The following DIAPH2 variants were observed in gnomAD, a reference collection of about 807,000 sequenced individuals.
The protein encoded by DIAPH2 is diaphanous related formin 2, also known as protein diaphanous homolog 2.
Under a neutral mutation model 92.7 loss-of-function variants are expected in DIAPH2, and 35 were observed. The observed-to-expected ratio is 0.38, with a 90% confidence interval of 0.29 to 0.50. DIAPH2 has a LOEUF of 0.50. Ranked by LOEUF, DIAPH2 falls within the 20% of genes least tolerant of loss-of-function variation. DIAPH2 has a pLI of 0.94. For synonymous variants in DIAPH2, 301 were observed against 280.4 expected, an observed-to-expected ratio of 1.07 and a Z score of -0.73; for missense variants, 701 against 819.5, an observed-to-expected ratio of 0.86 and a Z score of 1.77.
chrX:97,223,121 G>A (rs1017929194), intron 22 of DIAPH2, among the ~76,000 whole-genome samples: 1 of 111,733 alleles, frequency 8.9e-6, no homozygotes, highest in Non-Finnish European at 1.9e-5. Context: ...GAGCCACTGA[G>A]CCCAGCTTGT....
At chrX:97,271,641 T>C (rs966053960) in intron 23 of DIAPH2, among the ~76,000 whole-genome samples, 1 of 110,789 alleles carries the variant, frequency 9.0e-6, no homozygotes, top group Non-Finnish European at 1.9e-5. Flanking sequence ...GTTCTAATAT[T>C]ATTATTATAG....
At chrX:96,774,973 C>G (rs190290204) in intron 4 of DIAPH2, among the ~76,000 whole-genome samples, 8 of 112,291 alleles carry the variant, frequency 7.1e-5, no homozygotes, top group African/African-American at 2.6e-4. Context: ...CAGAAAGCTG[C>G]TAGTTATTTT....
intron 23 of DIAPH2, among the ~76,000 whole-genome samples, chrX:97,306,091 A>G (rs1406907203): frequency 9.0e-6 from 1 of 110,841 alleles, no homozygotes; most frequent in East Asian, 2.8e-4. Flanking sequence ...ATTAATTTAC[A>G]GTCCTCTAGC....
chrX:97,319,985 A>G (rs1202594883), intron 23 of DIAPH2, among the ~76,000 whole-genome samples: 2 of 106,485 alleles, frequency 1.9e-5, no homozygotes, highest in African/African-American at 3.4e-5. Context: ...CTGTAATCAC[A>G]GTTACTTGGG....
chrX:96,888,296 T>C (rs1373142053), intron 5 of DIAPH2, among the ~76,000 whole-genome samples: 3 of 109,020 alleles, frequency 2.8e-5, no homozygotes, highest in Admixed American at 2.0e-4. Context: ...CCTGACCTCG[T>C]GATCCGCCTG....
At chrX:97,405,900 C>T (rs996383120) in intron 25 of DIAPH2, among the ~76,000 whole-genome samples, 1 of 111,326 alleles carries the variant, frequency 9.0e-6, no homozygotes, top group East Asian at 2.8e-4. Flanking sequence ...CTTAGTTGAT[C>T]ATTTTCTGGC....
At chrX:97,072,115 G>A (rs1308955641) in intron 17 of DIAPH2, among the ~76,000 whole-genome samples, 1 of 111,634 alleles carries the variant, frequency 9.0e-6, no homozygotes, top group Non-Finnish European at 1.9e-5. Context: ...TACCGGAGGG[G>A]TTTGGGGATT....
At chrX:97,400,832 C>CA (rs1421460510) in intron 25 of DIAPH2, among the ~76,000 whole-genome samples, 1 of 110,618 alleles carries the variant, frequency 9.0e-6, no homozygotes, top group African/African-American at 3.3e-5. Context: ...CACCTTAGAA[C>CA]AAGACAGTAG....
intron 22 of DIAPH2, among the ~76,000 whole-genome samples, chrX:97,181,497 C>T (rs762850737): frequency 1.4e-4 from 16 of 111,817 alleles, no homozygotes; most frequent in Non-Finnish European, 2.3e-4. Context: ...CCGCAACCTC[C>T]GTCTCCCAGG....
intron 10 of DIAPH2, among the ~76,000 whole-genome samples, chrX:96,934,076 G>T (rs2065640922): frequency 9.0e-6 from 1 of 110,967 alleles, no homozygotes; most frequent in Non-Finnish European, 1.9e-5. Context: ...GAAGATTAGC[G>T]ATCATATATT....
At chrX:97,031,470 G>A (rs185921446) in intron 17 of DIAPH2, among the ~76,000 whole-genome samples, 140 of 111,371 alleles carry the variant, frequency 1.3e-3, no homozygotes, top group Non-Finnish European at 2.3e-3. Context: ...GTTTATTATA[G>A]TATAATGTAT....
chrX:97,057,642 AT>A (rs1403173207), intron 17 of DIAPH2, among the ~76,000 whole-genome samples: 2 of 111,904 alleles, frequency 1.8e-5, no homozygotes, highest in Non-Finnish European at 3.8e-5. Flanking sequence ...TAAATACTTC[AT>A]ATTTTAGGTT....
intron 19 of DIAPH2, among the ~76,000 whole-genome samples, chrX:97,077,917 A>G (rs1283365583): frequency 8.9e-6 from 1 of 111,770 alleles, no homozygotes; most frequent in Non-Finnish European, 1.9e-5. Flanking sequence ...AATACATGTA[A>G]TTATGAGTTA....
At chrX:97,502,335 G>C (rs2147830476) in intron 26 of DIAPH2, among the ~76,000 whole-genome samples, 1 of 112,199 alleles carries the variant, frequency 8.9e-6, no homozygotes, top group East Asian at 2.8e-4. Flanking sequence ...GACTTTCAAG[G>C]ATTCTGTTTA....
At chrX:96,934,075 C>T (rs779168471) in intron 10 of DIAPH2, among the ~76,000 whole-genome samples, 1 of 110,878 alleles carries the variant, frequency 9.0e-6, no homozygotes, top group Non-Finnish European at 1.9e-5. Flanking sequence ...AGAAGATTAG[C>T]GATCATATAT....
chrX:97,536,248 A>G (rs1485730472), intron 26 of DIAPH2, among the ~76,000 whole-genome samples: 1 of 112,113 alleles, frequency 8.9e-6, no homozygotes, highest in Non-Finnish European at 1.9e-5. Context: ...CTGAAAACTT[A>G]AGACCATTTT....
At chrX:97,025,521 G>A (rs1014910401) in intron 17 of DIAPH2, among the ~76,000 whole-genome samples, 67 of 107,293 alleles carry the variant, frequency 6.2e-4, no homozygotes, top group Middle Eastern at 4.9e-3. Context: ...GCGTGGTGGC[G>A]GGCCCCTGTA....
intron 4 of DIAPH2, among the ~76,000 whole-genome samples, chrX:96,820,825 G>T (rs1363797276): frequency 9.0e-6 from 1 of 111,535 alleles, no homozygotes; most frequent in Non-Finnish European, 1.9e-5. Context: ...GCTATAAAAA[G>T]AATTAAAATG....
At chrX:96,754,838 C>T (rs890473265) in intron 3 of DIAPH2, among the ~76,000 whole-genome samples, 3 of 98,807 alleles carry the variant, frequency 3.0e-5, no homozygotes, top group Admixed American at 2.4e-4. Flanking sequence ...GCAGGAGAAT[C>T]GCTTGAACTT....
Sources: gnomAD v4.1 joint callset for allele counts (sites outside exome capture counted in the v4.1 genomes callset) on GRCh38, gnomAD v4.1.1 for gene constraint, MANE v1.5 for transcripts, NCBI Gene and HGNC (gene_info 2026-07-23, HGNC 2026-07-21) for gene names.